The following C1orf167 variants were observed in gnomAD, a reference collection of about 807,000 sequenced individuals.
C1orf167 encodes the protein chromosome 1 open reading frame 167, also known as uncharacterized protein C1orf167.
Under a neutral mutation model 176.5 loss-of-function variants are expected in C1orf167, and 153 were observed. The observed-to-expected ratio is 0.87, with a 90% CI of 0.76 to 0.99. The LOEUF (loss-of-function observed/expected upper bound fraction) is 0.99. C1orf167 is among the 50% of genes least tolerant of loss of function. The pLI, the probability that C1orf167 is intolerant of heterozygous loss-of-function variation, is 0.00. For synonymous variants in C1orf167, 594 were observed against 752.7 expected (o/e 0.79, Z 3.45); for missense variants, 1,490 against 1,817.7 (o/e 0.82, Z 3.28).
At position 11,775,475 on chromosome 1, in the gene C1orf167, C is replaced by A. The variant is rs79345318; in HGVS notation, c.2029C>A (p.Arg677=). Residue 677 remains arginine (R), a synonymous_variant, in exon 9 of 21, where the codon CGG becomes AGG. Coordinates refer to ENST00000688073, the MANE Select transcript of C1orf167 (RefSeq NM_001010881.2). ...GCAGCAGTTCGTGCAAAGAGGGTCCCGGTACCGAGACCACCTGGCTGACCG... is the reference window on the plus strand; with the variant it reads ...GCAGCAGTTCGTGCAAAGAGGGTCCAGGTACCGAGACCACCTGGCTGACCG... ...AWQQFVQRGS[R]YRDHLADRRT... 3.1e-6 allele frequency: 4 copies of A among 1,303,890 alleles called. No individual in the cohort carries two copies. The highest frequency in any genetic ancestry group is 4.0e-6 in the Non-Finnish European group (4 of 988,750). 80.8% of individuals were successfully genotyped at this position (1,303,890 alleles called of 1,614,324 possible). A position where few individuals can be genotyped will look rare whatever the true frequency, so the allele number is the denominator to read the frequency against.
chr1:11,786,207 G>C (rs1328094021), intron 16 of C1orf167: 2 of 152,204 alleles, frequency 1.3e-5, no homozygotes, highest in Non-Finnish European at 2.9e-5. Context: ...GGTGATAAGA[G>C]GTTGATAGCC....
intron 6 of C1orf167, 97 bp from the exon 7 acceptor site, chr1:11,771,427 G>A (rs1381891054): frequency 1.6e-6 from 1 of 637,532 alleles, no homozygotes; most frequent in African/African-American, 1.9e-5. Flanking sequence ...CTGCTCCCAA[G>A]GGCAGACCGC....
intron 2 of C1orf167, 94 bp downstream of exon 2, chr1:11,764,564 T>C (rs11121826): frequency 0.65 from 717,394 of 1,105,134 alleles, 235,321 homozygotes; most frequent in Admixed American, 0.78. Flanking sequence ...GGCCAGCCTA[T>C]AGGGCCTGGC....
rs1336433631 is a variant in C1orf167 at position 11,766,717 on chromosome 1, AC to A, written c.935del (p.Pro312ArgfsTer13). 7.8e-7 allele frequency: 1 copy of A among 1,289,256 alleles called. No homozygotes were observed. Among genetic ancestry groups the A allele is most frequent in the East Asian group, 5.6e-5 (1 of 17,988 alleles). The allele number at this position is 1,289,256 out of a possible 1,614,324, so 79.9% of individuals were successfully genotyped here. On this transcript the variant is annotated frameshift_variant, in exon 3 of 21. Transcript: ENST00000688073. LOFTEE classifies it high-confidence loss of function. The surrounding 1 kb of genome is among the most constrained non-coding windows in gnomAD (Gnocchi z 4.5). ...CAGGGAAACTGCGGCTTTCTTGGAG[AC>A]CCCGGCTAGTCTCTCAGACTCTTGG... ...GHRETAAFLE[T>X]PASLSDSWAQ...
intron 1 of C1orf167, among the ~76,000 whole-genome samples, chr1:11,763,424 C>T (rs1450851908): frequency 8.2e-6 from 1 of 122,202 alleles, no homozygotes; most frequent in East Asian, 2.3e-4. Flanking sequence ...GCCTGGGTGG[C>T]AAAGTGAGAC....
At chr1:11,771,204 C>T (rs1285810886) in intron 6 of C1orf167, among the ~76,000 whole-genome samples, 1 of 149,214 alleles carries the variant, frequency 6.7e-6, no homozygotes, top group African/African-American at 2.5e-5. Context: ...CAGGTGTGAG[C>T]CACCATGCCT....
Position 11,764,323 on chromosome 1 carries a change from C to A in C1orf167, c.-70-8C>A. The A allele has an allele frequency of 8.7e-7, 1 of 1,155,210 alleles. No homozygotes were observed. The highest frequency in any genetic ancestry group is 1.3e-5 in the South Asian group (1 of 78,382). The allele number at this position is 1,155,210 out of a possible 1,614,324, so 71.6% of individuals were successfully genotyped here. On this transcript the variant is annotated splice_polypyrimidine_tract_variant and splice_region_variant and intron_variant, in intron 1 of 20. Coordinates refer to ENST00000688073, the MANE Select transcript of C1orf167 (RefSeq NM_001010881.2). ...TGAGAGCCAGGGCAACCTGTCCTCT[C>A]CCCGCAGGGCCCATCTGATTAAACA...
chr1:11,764,651 G>C (rs923457838), intron 2 of C1orf167, among the ~76,000 whole-genome samples, 181 bp downstream of exon 2: 1 of 152,238 alleles, frequency 6.6e-6, no homozygotes, highest in Non-Finnish European at 1.5e-5. Context: ...AAGGAGGGGG[G>C]TCTTGGGAGA....
chr1:11,780,144 C>G (rs1643527766), intron 13 of C1orf167, 134 bp downstream of exon 13: 1 of 551,204 alleles, frequency 1.8e-6, no homozygotes, highest in South Asian at 2.3e-5. Context: ...TAAGCTACAT[C>G]TGGACTCCTG....
chr1:11,767,479 G>A (rs1010560717), intron 4 of C1orf167, among the ~76,000 whole-genome samples: 15 of 152,032 alleles, frequency 9.9e-5, no homozygotes, highest in African/African-American at 3.6e-4. Flanking sequence ...CATGGGTTTG[G>A]GACACTGAGT....
intron 6 of C1orf167, 32 bp from the exon 7 acceptor site, chr1:11,771,492 A>T: frequency 7.9e-7 from 1 of 1,273,144 alleles, no homozygotes; most frequent in South Asian, 1.2e-5. Context: ...CTCCCGGGTC[A>T]TCAGCTTCTC....
In C1orf167 at chr1:11,766,324, G is replaced by C; in HGVS notation, c.538G>C (p.Asp180His). The C allele has an allele frequency of 7.8e-7, 1 of 1,287,412 alleles. No homozygotes were observed. The highest frequency in any genetic ancestry group is 1.2e-5 in the South Asian group (1 of 80,744). 79.7% of individuals were successfully genotyped at this position (1,287,412 alleles called of 1,614,324 possible). A position where few individuals can be genotyped will look rare whatever the true frequency, so the allele number is the denominator to read the frequency against. Residue 180 changes from aspartate (D) to histidine (H), a missense_variant, in exon 3 of 21, where the codon GAC becomes CAC. By Grantham distance (81) the Asp-to-His change is moderately conservative. Coordinates refer to ENST00000688073, the MANE Select transcript of C1orf167 (RefSeq NM_001010881.2). This position sits in a 1 kb window ranked among gnomAD's most constrained non-coding sequence, Gnocchi z 4.5. ...GLPAPGTPSG[D>H]FRPTEAFAPL... ...GCCGGCCCCAGGCACCCCTAGCGGG[G>C]ACTTCAGGCCCACTGAAGCCTTTGC...
intron 8 of C1orf167, among the ~76,000 whole-genome samples, chr1:11,773,731 A>T (rs989003238): frequency 6.6e-6 from 1 of 152,110 alleles, no homozygotes; most frequent in Non-Finnish European, 1.5e-5. Context: ...TAAATAAATA[A>T]TAAAAACATA....
rs1167813261 is a variant in C1orf167, at chr1:11,767,126, A to C, written c.1299+41A>C. On this transcript the variant is annotated intron_variant, in intron 3 of 20. Transcript: ENST00000688073. ...GGCTGGAGGTGGGGTAGGGGGTAGG[A>C]GGTGTTGCTCCAGGGCAGGGAGGCT... 7.1e-6 allele frequency: 9 copies of C among 1,267,842 alleles called. No individual in the cohort carries two copies. In the East Asian group the frequency reaches 5.1e-4, roughly 72 times the overall value. The allele number at this position is 1,267,842 out of a possible 1,614,324, so 78.5% of individuals were successfully genotyped here.
chr1:11,784,910 A>T (rs1643775935), intron 15 of C1orf167, among the ~76,000 whole-genome samples: 1 of 152,158 alleles, frequency 6.6e-6, no homozygotes, highest in Admixed American at 6.5e-5. Flanking sequence ...CACTGGCAGG[A>T]CTGTCCCCTC....
At chr1:11,775,149 C>T (rs1255078554) in intron 8 of C1orf167, among the ~76,000 whole-genome samples, 1 of 152,014 alleles carries the variant, frequency 6.6e-6, no homozygotes, top group East Asian at 1.9e-4. Context: ...ATTAGCCGGG[C>T]ATGGTGGTGC....
Position 11,764,394 on chromosome 1 carries a change from T to C in C1orf167, c.-7T>C. On this transcript the variant is annotated 5_prime_UTR_variant, in exon 2 of 21. Transcript: ENST00000688073. Reference sequence around the variant, plus strand: ...AGTGGACCAAGGATACTCCTGTCCCTGAGCCCATGGAGCTAAGGTCTGATG... The same window carrying C: ...AGTGGACCAAGGATACTCCTGTCCCCGAGCCCATGGAGCTAAGGTCTGATG... 7.8e-7 allele frequency: 1 copy of C among 1,289,376 alleles called. No individual in the cohort carries two copies. Among genetic ancestry groups the C allele is most frequent in the Non-Finnish European group, 1.0e-6 (1 of 988,824 alleles). The allele number at this position is 1,289,376 out of a possible 1,614,324, so 79.9% of individuals were successfully genotyped here.
intron 1 of C1orf167, among the ~76,000 whole-genome samples, chr1:11,763,912 G>A (rs941369912): frequency 1.3e-5 from 2 of 152,276 alleles, no homozygotes; most frequent in African/African-American, 2.4e-5. Context: ...ATTTTTGTTT[G>A]AGCCACCAGA....
chr1:11,766,307 C>G lies in C1orf167; in HGVS notation c.521C>G (p.Pro174Arg), dbSNP rs746298473. 28 of 1,289,156 alleles carry G rather than the reference C, an allele frequency of 2.2e-5. No homozygotes were observed. The highest frequency in any genetic ancestry group is 1.2e-4 in the Admixed American group (5 of 43,410). 79.9% of individuals were successfully genotyped at this position (1,289,156 alleles called of 1,614,324 possible). A position where few individuals can be genotyped will look rare whatever the true frequency, so the allele number is the denominator to read the frequency against. The change falls in exon 3 of 21, where the codon CCA becomes CGA. Residue 174 changes from proline to arginine, a missense_variant. Physicochemically the swap from Pro to Arg is moderately radical, Grantham distance 103. Transcript: ENST00000688073. The surrounding 1 kb of genome is among the most constrained non-coding windows in gnomAD (Gnocchi z 4.5). ...CTGAGGCAGTCCGGGCTGCCGGCCC[C>G]AGGCACCCCTAGCGGGGACTTCAGG... The part of the protein sequence containing the change: ...SCLRQSGLPA[P>R]GTPSGDFRPT...
Sources: allele counts gnomAD v4.1 joint callset (sites outside exome capture counted in the v4.1 genomes callset), GRCh38; gene constraint gnomAD v4.1.1; non-coding constraint Gnocchi (gnomAD v3.1); transcripts MANE v1.5; gene names NCBI Gene and HGNC (gene_info 2026-07-23, HGNC 2026-07-21).